The following SPSB4 variants were observed in gnomAD, a reference collection of about 807,000 sequenced individuals.
SPSB4 encodes the protein SPRY domain-containing SOCS box protein 4.
Under a neutral mutation model 20.9 loss-of-function variants are expected in SPSB4, and 21 were observed. The ratio of observed to expected loss-of-function variants is 1.01; its 90% CI spans 0.71 to 1.45. The LOEUF is 1.45. SPSB4 is among the 40% of genes most tolerant of loss of function. The pLI is 0.00. For synonymous variants in SPSB4, 207 were observed against 183.8 expected (o/e 1.13, Z -1.02); for missense variants, 399 against 399.2 (o/e 1.00, Z 0.00).
chr3:141,101,617 G>A (rs1352523015), intron 2 of SPSB4, among the ~76,000 whole-genome samples: 1 of 152,182 alleles, frequency 6.6e-6, no homozygotes, highest in Non-Finnish European at 1.5e-5. Flanking sequence ...AATAGAATGG[G>A]TATAAACTGC....
chr3:141,134,042 T>TTTTTTC (rs1939183369), intron 2 of SPSB4, among the ~76,000 whole-genome samples: 1 of 136,770 alleles, frequency 7.3e-6, no homozygotes, highest in African/African-American at 2.8e-5. Flanking sequence ...TTTCTTTTTT[T>TTTTTTC]TTTTTTCTTT....
chr3:141,092,669 G>T (rs186159815), intron 2 of SPSB4, among the ~76,000 whole-genome samples: 28 of 152,340 alleles, frequency 1.8e-4, no homozygotes, highest in Non-Finnish European at 3.5e-4. Context: ...TGGCATGGGG[G>T]CTCAGGCTCT....
intron 1 of SPSB4, among the ~76,000 whole-genome samples, chr3:141,061,405 A>G (rs1937758416): frequency 6.6e-6 from 1 of 152,046 alleles, no homozygotes; most frequent in Non-Finnish European, 1.5e-5. Context: ...TAAAATTTAG[A>G]CATTTATTTA....
chr3:141,059,097 A>AAAAAAGCAG (rs1937712166), intron 1 of SPSB4, among the ~76,000 whole-genome samples: 1 of 152,168 alleles, frequency 6.6e-6, no homozygotes, highest in African/African-American at 2.4e-5. Flanking sequence ...CTCAAGGTAG[A>AAAAAAGCAG]AAAAAGCAGA....
chr3:141,147,362 C>T lies in SPSB4; in HGVS notation c.*93C>T. ...TCCCATGGCACATAGGGGAAAGGATCTACCCTTCTCCTGGCTCCCCAGGAC... is the reference window on the plus strand; with the variant it reads ...TCCCATGGCACATAGGGGAAAGGATTTACCCTTCTCCTGGCTCCCCAGGAC... On this transcript the variant is annotated 3_prime_UTR_variant, in exon 3 of 3. Transcript: ENST00000310546. The T allele has an allele frequency of 1.3e-6, 2 of 1,560,250 alleles. No individual in the cohort carries two copies. Among genetic ancestry groups the T allele is most frequent in the Non-Finnish European group, 1.7e-6 (2 of 1,147,370 alleles).
chr3:141,141,231 C>A (rs1189122010), intron 2 of SPSB4, among the ~76,000 whole-genome samples: 2 of 152,352 alleles, frequency 1.3e-5, no homozygotes, highest in Admixed American at 6.5e-5. Flanking sequence ...CCACCTGTCA[C>A]CCCTTTCTTT....
At chr3:141,084,728 C>A (rs907912598) in intron 2 of SPSB4, among the ~76,000 whole-genome samples, 2 of 152,240 alleles carry the variant, frequency 1.3e-5, no homozygotes, top group Non-Finnish European at 2.9e-5. Flanking sequence ...GCTGCTATCT[C>A]TCCCTCCTCC....
Position 141,055,356 on chromosome 3 carries a change from G to A in SPSB4, c.-154+3364G>A, listed in dbSNP as rs541949122. ...GTCAGAGAAGATGGGAAGAGTCCCA[G>A]GATGTGCTGACGAGGAGAGTCTGGC... On this transcript the variant is annotated intron_variant, in intron 1 of 2. Coordinates refer to ENST00000310546, the MANE Select transcript of SPSB4 (RefSeq NM_080862.3). 7.9e-5 allele frequency among the ~76,000 whole-genome samples: 12 copies of A among 152,308 alleles called. No individual in the cohort carries two copies. In the South Asian group the frequency reaches 2.5e-3, roughly 32 times the overall value.
intron 2 of SPSB4, among the ~76,000 whole-genome samples, chr3:141,146,794 G>T (rs1026520436): frequency 6.6e-6 from 1 of 150,560 alleles, no homozygotes; most frequent in Non-Finnish European, 1.5e-5. Context: ...AAAAAGACAC[G>T]CTGAACACCT....
chr3:141,078,703 T>C (rs954841773), intron 2 of SPSB4, among the ~76,000 whole-genome samples: 11 of 152,346 alleles, frequency 7.2e-5, no homozygotes, highest in African/African-American at 2.6e-4. Flanking sequence ...TTCTTCCTGG[T>C]ACCTCCTGAG....
chr3:141,051,455 GGC>G lies in SPSB4; in HGVS notation c.-689_-688del, dbSNP rs1340238218. On this transcript the variant is annotated 5_prime_UTR_variant, in exon 1 of 3. Transcript: ENST00000310546. The stretch of plus-strand genomic sequence containing the variant: ...GGCTGCAGCATCCAGAGCTGGCCGT[GGC>G]GGCCGGCGCGCCCCGCGCACAAAAG... 2 of 153,206 alleles carry G rather than the reference GGC, an allele frequency of 1.3e-5. No individual in the cohort carries two copies. Among genetic ancestry groups the G allele is most frequent in the Admixed American group, 1.3e-4 (2 of 15,220 alleles). 9.5% of individuals were successfully genotyped at this position (153,206 alleles called of 1,614,324 possible).
At chr3:141,068,828 T>G (rs938615607) in intron 2 of SPSB4, among the ~76,000 whole-genome samples, 2 of 152,222 alleles carry the variant, frequency 1.3e-5, no homozygotes, top group African/African-American at 4.8e-5. Flanking sequence ...AAAGCCAAGA[T>G]GCTAACAGGG....
At chr3:141,100,049 C>T (rs1326501005) in intron 2 of SPSB4, among the ~76,000 whole-genome samples, 1 of 152,190 alleles carries the variant, frequency 6.6e-6, no homozygotes, top group Non-Finnish European at 1.5e-5. Flanking sequence ...GCCCTCTGTG[C>T]TGACTTTGCA....
At chr3:141,061,799 G>C (rs375430082) in intron 1 of SPSB4, among the ~76,000 whole-genome samples, 14 of 144,048 alleles carry the variant, frequency 9.7e-5, no homozygotes, top group African/African-American at 3.4e-4. Context: ...GCAGTGGCAC[G>C]ATCTTGGCTT....
intron 2 of SPSB4, among the ~76,000 whole-genome samples, chr3:141,074,820 G>T (rs1485118710): frequency 2.6e-5 from 4 of 152,258 alleles, no homozygotes; most frequent in African/African-American, 7.2e-5. Flanking sequence ...ACTTGGTCTA[G>T]TTGTGGGCTG....
chr3:141,100,157 G>A (rs577860918), intron 2 of SPSB4, among the ~76,000 whole-genome samples: 4 of 152,210 alleles, frequency 2.6e-5, no homozygotes, highest in African/African-American at 4.8e-5. Context: ...TTCTTCCCTG[G>A]CAGCTCTTAT....
intron 2 of SPSB4, among the ~76,000 whole-genome samples, chr3:141,094,780 G>A (rs1023108994): frequency 3.9e-3 from 80 of 20,302 alleles, no homozygotes; most frequent in African/African-American, 8.7e-3. Context: ...CCCGCCCCCC[G>A]CCCCTTTGCC....
rs192520564 is a variant in SPSB4, at chr3:141,138,388, G to A, written c.695-8754G>A. ...TTGCCTTCTGCTAGCTTTTGAATGT[G>A]TTTGCTCTTGCTTCTTTAGTTCTTT... On this transcript the variant is annotated intron_variant, in intron 2 of 2. Coordinates refer to ENST00000310546, the MANE Select transcript of SPSB4 (RefSeq NM_080862.3). Among the ~76,000 whole-genome samples, 695 of 152,280 alleles carry A rather than the reference G, an allele frequency of 4.6e-3. 8 individuals carry two copies. Among genetic ancestry groups the A allele is most frequent in the African/African-American group, 0.016 (648 of 41,552 alleles).
chr3:141,081,684 T>C (rs1180901988), intron 2 of SPSB4, among the ~76,000 whole-genome samples: 4 of 152,118 alleles, frequency 2.6e-5, no homozygotes, highest in Non-Finnish European at 5.9e-5. Flanking sequence ...CAGTGGCAGT[T>C]CTGCAGCAGG....
Sources: gnomAD v4.1 joint callset for allele counts (sites outside exome capture counted in the v4.1 genomes callset) on GRCh38, gnomAD v4.1.1 for gene constraint, MANE v1.5 for transcripts, NCBI Gene and HGNC (gene_info 2026-07-23, HGNC 2026-07-21) for gene names.